Variants in PCBP3 observed in about 807,000 individuals in gnomAD.
PCBP3 encodes the protein poly(rC) binding protein 3.
In PCBP3, 25 loss-of-function variants were observed where a neutral mutation model predicts 52.7. The ratio of observed to expected loss-of-function variants is 0.47; its 90% CI spans 0.35 to 0.66. PCBP3 has a LOEUF of 0.66. Ranked by LOEUF, PCBP3 falls within the 30% of genes least tolerant of loss-of-function variation. The probability of loss-of-function intolerance (pLI) is 0.01; values close to 1 mark genes in which losing one functional copy is unlikely to be tolerated. For missense variants in PCBP3, 391 were observed against 490.3 expected (o/e 0.80, Z 1.91); for synonymous variants, 162 against 183.0 (o/e 0.89, Z 0.93).
chr21:45,834,589 C>T lies in PCBP3; in HGVS notation c.-125-15372C>T, dbSNP rs760959449. Among the ~76,000 whole-genome samples the T allele has an allele frequency of 4.6e-5, 7 of 152,348 alleles. 1 individual carries two copies. Among genetic ancestry groups the T allele is most frequent in the Admixed American group, 3.3e-4 (5 of 15,304 alleles). On this transcript the variant is annotated intron_variant, in intron 4 of 17. Coordinates refer to ENST00000681687, the MANE Select transcript of PCBP3 (RefSeq NM_001384156.1). ...CAGCCCTGCTCTCCCCAGGCCACCA[C>T]GTCCACGAGTGCTGCACTGTGAGGG...
In PCBP3 at chr21:45,850,107, T is replaced by C. The variant is rs767355724; in HGVS notation, c.10+12T>C. 57 of 1,549,004 alleles carry C rather than the reference T, an allele frequency of 3.7e-5. No homozygotes were observed. The highest frequency in any genetic ancestry group is 3.3e-4 in the South Asian group (28 of 84,008). On this transcript the variant is annotated intron_variant, in intron 5 of 17. Transcript: ENST00000681687. ...GCTTATGGGGGAAGGTGAGTTACTGTCTTTTGTTTCCATGTTTGTTTGTTT... is the reference window on the plus strand; with the variant it reads ...GCTTATGGGGGAAGGTGAGTTACTGCCTTTTGTTTCCATGTTTGTTTGTTT...
intron 2 of PCBP3, among the ~76,000 whole-genome samples, chr21:45,722,415 G>A (rs1205794982): frequency 1.3e-5 from 2 of 152,152 alleles, no homozygotes; most frequent in Non-Finnish European, 2.9e-5. Context: ...CTAAATGAAT[G>A]TATATCACTT....
chr21:45,664,147 A>G (rs989179452), intron 1 of PCBP3, among the ~76,000 whole-genome samples: 1 of 147,384 alleles, frequency 6.8e-6, no homozygotes, highest in African/African-American at 2.5e-5. Context: ...AGCATAGTGA[A>G]ACTGTTTGAA....
rs1307036312 is a variant in PCBP3, at chr21:45,894,010, A to G, written c.11-2198A>G. 16 of 985,576 alleles carry G rather than the reference A, an allele frequency of 1.6e-5. No individual in the cohort carries two copies. The East Asian group carries it at 1.5e-3, about 91-fold the overall frequency. 61.1% of individuals were successfully genotyped at this position (985,576 alleles called of 1,614,324 possible). ...AAGGCCAGGGCACTTTGCAGACGGC[A>G]TGGACGGGTAGGTGCCTAGGGAGAG... On this transcript the variant is annotated intron_variant, in intron 5 of 17. Coordinates refer to ENST00000681687, the MANE Select transcript of PCBP3 (RefSeq NM_001384156.1).
chr21:45,676,733 C>T (rs2081493239), intron 2 of PCBP3, among the ~76,000 whole-genome samples: 2 of 152,028 alleles, frequency 1.3e-5, no homozygotes, highest in South Asian at 2.1e-4. Flanking sequence ...TCTACATGTT[C>T]AGGTGAAAGG....
At chr21:45,872,798 T>C (rs1223721605) in intron 5 of PCBP3, 3 of 152,180 alleles carry the variant, frequency 2.0e-5, no homozygotes, top group African/African-American at 7.2e-5. Context: ...ATTTGTATGG[T>C]TATTGGGGTT....
intron 2 of PCBP3, among the ~76,000 whole-genome samples, chr21:45,721,368 G>A (rs1473918280): frequency 2.1e-5 from 3 of 145,698 alleles, no homozygotes; most frequent in Non-Finnish European, 4.5e-5. Context: ...AGCCAAGATC[G>A]CGCCACTGCA....
At position 45,899,634 on chromosome 21, in the gene PCBP3, T is replaced by C; in HGVS notation, c.189+12T>C. 1 of 1,604,112 alleles carries C rather than the reference T, an allele frequency of 6.2e-7. No homozygotes were observed. Among genetic ancestry groups the C allele is most frequent in the Non-Finnish European group, 8.5e-7 (1 of 1,170,930 alleles). ...GCATCATCGGGAAGGTAATTATTGA[T>C]TGAATCTCTGCCTCTCCTGGGGTCT... On this transcript the variant is annotated intron_variant, in intron 7 of 17. Coordinates refer to ENST00000681687, the MANE Select transcript of PCBP3 (RefSeq NM_001384156.1).
intron 3 of PCBP3, among the ~76,000 whole-genome samples, chr21:45,738,208 T>G (rs888909325): frequency 1.3e-5 from 2 of 152,308 alleles, no homozygotes; most frequent in Admixed American, 6.5e-5. Flanking sequence ...TTATTTACTT[T>G]GAGGTCTTTT....
At chr21:45,662,494 G>A (rs987532941) in intron 1 of PCBP3, among the ~76,000 whole-genome samples, 2 of 151,456 alleles carry the variant, frequency 1.3e-5, no homozygotes, top group Non-Finnish European at 1.5e-5. Flanking sequence ...TTCTGTGGGC[G>A]GCAAGCCACC....
At chr21:45,691,297 A>G (rs1377595884) in intron 2 of PCBP3, among the ~76,000 whole-genome samples, 1 of 150,660 alleles carries the variant, frequency 6.6e-6, no homozygotes, top group Admixed American at 6.6e-5. Flanking sequence ...AATTGCCCAG[A>G]CTGGAAGGTG....
At chr21:45,674,869 C>G (rs1297562208) in intron 2 of PCBP3, among the ~76,000 whole-genome samples, 1 of 152,240 alleles carries the variant, frequency 6.6e-6, no homozygotes, top group East Asian at 1.9e-4. Context: ...GAACAGGGAT[C>G]CAGCCCCACA....
At chr21:45,916,492 C>CT (rs564809651) in intron 12 of PCBP3, 2 of 152,310 alleles carry the variant, frequency 1.3e-5, no homozygotes, top group Non-Finnish European at 2.9e-5. Flanking sequence ...GTTGACTGGC[C>CT]TTTAACTCCG....
chr21:45,727,155 C>T (rs1457069900), intron 2 of PCBP3, among the ~76,000 whole-genome samples: 2 of 152,154 alleles, frequency 1.3e-5, no homozygotes. Context: ...ATAGTTTTGA[C>T]TATTACATTT....
intron 4 of PCBP3, among the ~76,000 whole-genome samples, chr21:45,849,081 G>A (rs2093891132): frequency 6.6e-6 from 1 of 152,146 alleles, no homozygotes; most frequent in Admixed American, 6.5e-5. Context: ...GGTGCATTTG[G>A]AGATGGATTA....
chr21:45,677,191 C>A (rs2081524860), intron 2 of PCBP3, among the ~76,000 whole-genome samples: 2 of 152,198 alleles, frequency 1.3e-5, no homozygotes, highest in South Asian at 4.1e-4. Context: ...AAAGGAAGTT[C>A]TTGAAGTAAA....
intron 5 of PCBP3, among the ~76,000 whole-genome samples, chr21:45,862,017 C>G (rs116945515): frequency 6.6e-6 from 1 of 152,146 alleles, no homozygotes; most frequent in African/African-American, 2.4e-5. Flanking sequence ...CTGGAGGCCA[C>G]GAACGCTGTG....
intron 4 of PCBP3, among the ~76,000 whole-genome samples, chr21:45,820,945 G>A (rs1435629464): frequency 6.6e-6 from 1 of 152,140 alleles, no homozygotes; most frequent in Admixed American, 6.5e-5. Flanking sequence ...CTCAGACTCT[G>A]AAGGCCACAG....
intron 5 of PCBP3, among the ~76,000 whole-genome samples, chr21:45,891,378 A>G (rs1426524583): frequency 6.6e-6 from 1 of 152,246 alleles, no homozygotes; most frequent in East Asian, 1.9e-4. Flanking sequence ...TGGAAGAGCC[A>G]GTGGTGGTTT....
Sources: gnomAD v4.1 joint callset for allele counts (sites outside exome capture counted in the v4.1 genomes callset) on GRCh38, gnomAD v4.1.1 for gene constraint, MANE v1.5 for transcripts, NCBI Gene and HGNC (gene_info 2026-07-23, HGNC 2026-07-21) for gene names.